ST3GAL3: variants seen among roughly 807,000 people sequenced by gnomAD.
ST3GAL3 encodes the protein CMP-N-acetylneuraminate-beta-1,4-galactoside alpha-2,3-sialyltransferase.
In ST3GAL3, 21 loss-of-function variants were observed where a neutral mutation model predicts 50.1. The observed-to-expected ratio is 0.42, with a 90% confidence interval of 0.30 to 0.60. ST3GAL3 has a LOEUF of 0.60. ST3GAL3 is among the 20% of genes least tolerant of loss of function. The pLI, the probability that ST3GAL3 is intolerant of heterozygous loss-of-function variation, is 0.19. For missense variants in ST3GAL3, 353 were observed against 489.4 expected (o/e 0.72, Z 2.63); for synonymous variants, 183 against 190.0 (o/e 0.96, Z 0.30).
chr1:43,822,931 T>C (rs2062295205), intron 4 of ST3GAL3, among the ~76,000 whole-genome samples: 1 of 152,216 alleles, frequency 6.6e-6, no homozygotes, highest in Admixed American at 6.5e-5. Flanking sequence ...GAATCTTTTC[T>C]ACCCCAGGAA....
intron 1 of ST3GAL3, among the ~76,000 whole-genome samples, chr1:43,729,688 T>C (rs980112363): frequency 2.0e-5 from 3 of 152,228 alleles, no homozygotes; most frequent in African/African-American, 7.2e-5. Context: ...ATTTTGTTTA[T>C]GGATGCATAG....
intron 2 of ST3GAL3, among the ~76,000 whole-genome samples, chr1:43,790,029 A>G (rs1456174238): frequency 1.3e-5 from 2 of 152,236 alleles, no homozygotes; most frequent in African/African-American, 2.4e-5. Context: ...TTCAAAGCAT[A>G]TGGATCTATC....
At chr1:43,710,194 G>A (rs1029786876) in intron 1 of ST3GAL3, among the ~76,000 whole-genome samples, 10 of 151,916 alleles carry the variant, frequency 6.6e-5, no homozygotes, top group Middle Eastern at 3.2e-3. Flanking sequence ...TAATTCTCCC[G>A]TCTCAGCCTC....
chr1:43,809,761 A>G lies in ST3GAL3; in HGVS notation c.167-5130A>G, dbSNP rs564847621. Among the ~76,000 whole-genome samples the G allele has an allele frequency of 4.5e-4, 68 of 152,084 alleles. 1 individual carries two copies. The highest frequency in any genetic ancestry group is 2.5e-3 in the East Asian group (13 of 5,160). On this transcript the variant is annotated intron_variant, in intron 3 of 11. Transcript: ENST00000347631. ...TGTAATCCTAGCACTTTGGGAGGCTAAGGTGGGCGGATCACTTGAGGTCAG... is the reference window on the plus strand; with the variant it reads ...TGTAATCCTAGCACTTTGGGAGGCTGAGGTGGGCGGATCACTTGAGGTCAG...
chr1:43,789,795 G>A (rs1266444130), intron 2 of ST3GAL3, among the ~76,000 whole-genome samples: 1 of 151,772 alleles, frequency 6.6e-6, no homozygotes, highest in South Asian at 2.1e-4. Flanking sequence ...GATCACTTGA[G>A]CCCAGGAATT....
intron 5 of ST3GAL3, chr1:43,858,121 C>T: frequency 7.8e-7 from 1 of 1,289,326 alleles, no homozygotes; most frequent in Non-Finnish European, 1.0e-6. Context: ...CTCATCTGTA[C>T]CTATCTTCCC....
intron 3 of ST3GAL3, among the ~76,000 whole-genome samples, chr1:43,809,673 G>T (rs1461785324): frequency 6.6e-6 from 1 of 151,490 alleles, no homozygotes; most frequent in Non-Finnish European, 1.5e-5. Flanking sequence ...CTCCAGGCTG[G>T]GCTATGGGTT....
intron 2 of ST3GAL3, among the ~76,000 whole-genome samples, chr1:43,749,582 CA>C (rs886091249): frequency 6.6e-6 from 1 of 151,910 alleles, no homozygotes; most frequent in African/African-American, 2.4e-5. Context: ...AACAAACAAA[CA>C]AAAAAATGAA....
At chr1:43,914,098 C>T (rs2081382644) in intron 9 of ST3GAL3, 1 of 152,242 alleles carries the variant, frequency 6.6e-6, no homozygotes, top group South Asian at 2.1e-4. Context: ...GCAGCTTTCC[C>T]CTCCCCATCA....
At chr1:43,826,866 T>TA (rs1245322257) in intron 4 of ST3GAL3, among the ~76,000 whole-genome samples, 5 of 152,278 alleles carry the variant, frequency 3.3e-5, no homozygotes, top group South Asian at 2.1e-4. Flanking sequence ...TCCATAGATG[T>TA]AAAAAAACCA....
intron 1 of ST3GAL3, chr1:43,716,625 A>G (rs1667524780): frequency 6.6e-6 from 1 of 152,148 alleles, no homozygotes. Flanking sequence ...GAACCGTACT[A>G]CATTAGGACG....
chr1:43,910,404 T>C (rs2080598763), intron 9 of ST3GAL3, among the ~76,000 whole-genome samples: 1 of 152,240 alleles, frequency 6.6e-6, no homozygotes, highest in South Asian at 2.1e-4. Context: ...TTGAGTTTCA[T>C]TTTCCTCATC....
chr1:43,754,240 A>G lies in ST3GAL3; in HGVS notation c.118+17860A>G, dbSNP rs112940695. On this transcript the variant is annotated intron_variant, in intron 2 of 11. Coordinates refer to ENST00000347631, the MANE Select transcript of ST3GAL3 (RefSeq NM_006279.5). ...AATCTTGCTCTGTCACCCAGGCTGGAGTGGTGCAGTGGCACAGTCCCGGCT... is the reference window on the plus strand; with the variant it reads ...AATCTTGCTCTGTCACCCAGGCTGGGGTGGTGCAGTGGCACAGTCCCGGCT... Among the ~76,000 whole-genome samples, 806 of 152,274 alleles carry G rather than the reference A, an allele frequency of 5.3e-3. 16 individuals are homozygous for G. The highest frequency in any genetic ancestry group is 0.018 in the African/African-American group (749 of 41,546).
chr1:43,868,409 A>G (rs2071837876), intron 5 of ST3GAL3, among the ~76,000 whole-genome samples: 1 of 152,144 alleles, frequency 6.6e-6, no homozygotes, highest in South Asian at 2.1e-4. Context: ...GTGGCTTTTG[A>G]CACAGTTTAA....
At chr1:43,763,452 A>T (rs1691314352) in intron 2 of ST3GAL3, among the ~76,000 whole-genome samples, 1 of 152,164 alleles carries the variant, frequency 6.6e-6, no homozygotes, top group African/African-American at 2.4e-5. Flanking sequence ...ATTATGAGCA[A>T]TAGTTGGCAT....
intron 2 of ST3GAL3, among the ~76,000 whole-genome samples, chr1:43,779,102 C>A (rs564288130): frequency 2.0e-5 from 3 of 151,814 alleles, no homozygotes; most frequent in Non-Finnish European, 4.4e-5. Flanking sequence ...CCAGCAGGCC[C>A]AGCTAATTTT....
At chr1:43,838,548 G>A in intron 5 of ST3GAL3, 2 of 492,056 alleles carry the variant, frequency 4.1e-6, no homozygotes, top group Non-Finnish European at 7.5e-6. Flanking sequence ...TTCTGCAGAA[G>A]GATAACCTAC....
chr1:43,918,191 C>G (rs1224361411), intron 9 of ST3GAL3, among the ~76,000 whole-genome samples: 1 of 143,036 alleles, frequency 7.0e-6, no homozygotes, highest in East Asian at 2.0e-4. Flanking sequence ...TGATGATGAC[C>G]CACTGTAGCT....
chr1:43,820,634 T>C (rs927296331), intron 4 of ST3GAL3, among the ~76,000 whole-genome samples: 2 of 152,250 alleles, frequency 1.3e-5, no homozygotes, highest in African/African-American at 4.8e-5. Flanking sequence ...TATGTCTTTC[T>C]GGAATAGAGT....
Sources: allele counts gnomAD v4.1 joint callset (sites outside exome capture counted in the v4.1 genomes callset), GRCh38; gene constraint gnomAD v4.1.1; transcripts MANE v1.5; gene names NCBI Gene and HGNC (gene_info 2026-07-23, HGNC 2026-07-21).